CLPB: variants seen among roughly 807,000 people sequenced by gnomAD.
CLPB encodes the protein mitochondrial disaggregase.
A neutral mutation model predicts 78.4 loss-of-function variants in CLPB; 40 were observed. The ratio of observed to expected loss-of-function variants is 0.51; its 90% CI spans 0.40 to 0.66. The LOEUF is 0.66. CLPB is among the 30% of genes least tolerant of loss of function. The probability of loss-of-function intolerance (pLI) is 0.00; values close to 1 mark genes in which losing one functional copy is unlikely to be tolerated. For missense variants in CLPB, 780 were observed against 886.9 expected (o/e 0.88, Z 1.53); for synonymous variants, 333 against 348.0 (o/e 0.96, Z 0.48).
chr11:72,365,975 T>C (rs1157875159), intron 4 of CLPB, among the ~76,000 whole-genome samples: 1 of 152,090 alleles, frequency 6.6e-6, no homozygotes, highest in African/African-American at 2.4e-5. Context: ...ACCTAGGAAA[T>C]ACCCTTCAGG....
At chr11:72,434,008 T>A in intron 1 of CLPB, 64 bp downstream of exon 1, 1 of 1,562,304 alleles carries the variant, frequency 6.4e-7, no homozygotes. Flanking sequence ...CCCACCCTCC[T>A]AAGATACGAA....
At chr11:72,377,218 G>A (rs1854734275) in intron 4 of CLPB, among the ~76,000 whole-genome samples, 1 of 152,186 alleles carries the variant, frequency 6.6e-6, no homozygotes, top group African/African-American at 2.4e-5. Flanking sequence ...AATTACACCT[G>A]AGAATGCTGA....
intron 3 of CLPB, among the ~76,000 whole-genome samples, chr11:72,400,687 C>A (rs1224453200): frequency 6.6e-6 from 1 of 152,158 alleles, no homozygotes; most frequent in Non-Finnish European, 1.5e-5. Context: ...GAAGTACCAG[C>A]GGTGTAGAAT....
At chr11:72,385,923 C>T (rs949983815) in intron 3 of CLPB, among the ~76,000 whole-genome samples, 1 of 152,108 alleles carries the variant, frequency 6.6e-6, no homozygotes, top group Non-Finnish European at 1.5e-5. Flanking sequence ...TACTATAAAA[C>T]AATAGATTGT....
chr11:72,331,582 T>G (rs1329726953), intron 5 of CLPB, among the ~76,000 whole-genome samples: 4 of 134,296 alleles, frequency 3.0e-5, no homozygotes, highest in Non-Finnish European at 6.5e-5. Flanking sequence ...TTTTTTTTTT[T>G]TTTTTTTTTT....
intron 6 of CLPB, among the ~76,000 whole-genome samples, chr11:72,326,776 G>C (rs1950140606): frequency 6.6e-6 from 1 of 152,188 alleles, no homozygotes. Flanking sequence ...AGAGGGAGAA[G>C]AAACCAGGTC....
chr11:72,385,929 A>G (rs752041275), intron 3 of CLPB, among the ~76,000 whole-genome samples: 12 of 152,216 alleles, frequency 7.9e-5, no homozygotes, highest in Non-Finnish European at 1.6e-4. Flanking sequence ...AAAACAATAG[A>G]TTGTTTTAAA....
chr11:72,350,842 T>C (rs1052486414), intron 5 of CLPB, among the ~76,000 whole-genome samples: 6 of 152,198 alleles, frequency 3.9e-5, no homozygotes, highest in Non-Finnish European at 5.9e-5. Context: ...TTTACTGAGA[T>C]GTAATTTACA....
At chr11:72,380,927 C>T (rs564503373) in intron 3 of CLPB, among the ~76,000 whole-genome samples, 3 of 152,250 alleles carry the variant, frequency 2.0e-5, no homozygotes, top group East Asian at 1.9e-4. Context: ...ATAAAGGTTA[C>T]GACAGGAGAA....
At position 72,434,209 on chromosome 11, in the gene CLPB, C is replaced by T. The variant is rs374729211; in HGVS notation, c.266G>A (p.Gly89Glu). Residue 89 changes from glycine to glutamate, a missense_variant, in exon 1 of 16, where the codon GGA becomes GAA. Gly to Glu is a moderately conservative substitution (Grantham distance 98). Transcript: ENST00000538039. ...DTKCLAAATW[G>E]RLPGPEETLP... is the part of the protein sequence containing the mutation. ...TGTTTCTTCGGGACCAGGAAGGCGT[C>T]CCCAAGTGGCAGCCGCGAGGCATTT... is the stretch of plus-strand genomic sequence containing the variant. 9.3e-6 allele frequency: 15 copies of T among 1,613,434 alleles called. No individual in the cohort carries two copies. Among genetic ancestry groups the T allele is most frequent in the African/African-American group, 1.3e-5 (1 of 74,922 alleles).
chr11:72,355,363 A>G (rs1029510679), intron 5 of CLPB: 3 of 152,194 alleles, frequency 2.0e-5, no homozygotes, highest in Admixed American at 2.0e-4. Flanking sequence ...AGACAGAATT[A>G]AGAGGCCTTA....
chr11:72,334,007 A>C (rs1448443656), intron 5 of CLPB, among the ~76,000 whole-genome samples: 10 of 152,178 alleles, frequency 6.6e-5, no homozygotes, highest in African/African-American at 2.4e-4. Context: ...AATGGCAAAG[A>C]GAAGAGCTTC....
At chr11:72,370,234 T>C (rs374288992) in intron 4 of CLPB, among the ~76,000 whole-genome samples, 51 of 152,324 alleles carry the variant, frequency 3.3e-4, no homozygotes, top group African/African-American at 1.2e-3. Flanking sequence ...CCCAATCCTA[T>C]TGTTTCTTAT....
At chr11:72,358,290 GT>G (rs1950759854) in intron 5 of CLPB, among the ~76,000 whole-genome samples, 1 of 152,214 alleles carries the variant, frequency 6.6e-6, no homozygotes, top group Admixed American at 6.5e-5. Flanking sequence ...GTCAGCCATG[GT>G]TCTTGCCTTT....
Position 72,287,728 on chromosome 11 carries a change from A to C in CLPB, c.*5639T>G, listed in dbSNP as rs61893844. On this transcript the variant is annotated 3_prime_UTR_variant, in exon 16 of 16. Coordinates refer to ENST00000538039, the MANE Select transcript of CLPB (RefSeq NM_001258392.3). Reference sequence around the variant, plus strand: ...TTCTTCTTGGGTAACCAACTGGCCTATTCAAACTATTTCTAGGATCAGTGT... The same window carrying C: ...TTCTTCTTGGGTAACCAACTGGCCTCTTCAAACTATTTCTAGGATCAGTGT... 2 of 152,198 alleles carry C rather than the reference A, an allele frequency of 1.3e-5. No individual in the cohort carries two copies. The highest frequency in any genetic ancestry group is 1.5e-5 in the Non-Finnish European group (1 of 68,046). The allele number at this position is 152,198 out of a possible 1,614,324, so 9.4% of individuals were successfully genotyped here. A position where few individuals can be genotyped will look rare whatever the true frequency, so the allele number is the denominator to read the frequency against.
rs146984790 is a variant in CLPB, at chr11:72,387,452, A to G, written c.543-7068T>C. On this transcript the variant is annotated intron_variant, in intron 3 of 15. Transcript: ENST00000538039. ...GGAAAGTCAGGAGACATACCAATTA[A>G]GACATCTAAATTGGGAAGACAGCAT... 6.9e-3 allele frequency among the ~76,000 whole-genome samples: 1,041 copies of G among 150,886 alleles called. 6 individuals carry two copies. The highest frequency in any genetic ancestry group is 0.011 in the African/African-American group (437 of 40,212).
chr11:72,351,878 AT>A (rs1258422847), intron 5 of CLPB, among the ~76,000 whole-genome samples: 3 of 151,366 alleles, frequency 2.0e-5, no homozygotes, highest in South Asian at 2.1e-4. Flanking sequence ...GCCTCCCCTC[AT>A]TTTTTTTTAA....
At chr11:72,304,264 C>T (rs911405896) in intron 9 of CLPB, 3 of 152,150 alleles carry the variant, frequency 2.0e-5, no homozygotes, top group Admixed American at 6.5e-5. Flanking sequence ...CCAAGAACGG[C>T]GTTTAACATT....
In CLPB at chr11:72,290,939, C is replaced by T. The variant is rs1378114531; in HGVS notation, c.*2428G>A. ...CATCCTGGGTGACAGAGCGGGACTC[C>T]GTCTCAAAAAAAAAAAAAAAACCAA... On this transcript the variant is annotated 3_prime_UTR_variant, in exon 16 of 16. Transcript: ENST00000538039. 9.0e-5 allele frequency: 13 copies of T among 144,920 alleles called. No individual in the cohort carries two copies. The highest frequency in any genetic ancestry group is 3.1e-4 in the African/African-American group (12 of 38,260). 9.0% of individuals were successfully genotyped at this position (144,920 alleles called of 1,614,324 possible).
Sources: allele counts gnomAD v4.1 joint callset (sites outside exome capture counted in the v4.1 genomes callset), GRCh38; gene constraint gnomAD v4.1.1; transcripts MANE v1.5; gene names NCBI Gene and HGNC (gene_info 2026-07-23, HGNC 2026-07-21).